The following SIK3 variants were observed in gnomAD, a reference collection of about 807,000 sequenced individuals.
SIK3 encodes SIK family kinase 3.
SIK3 carries 28 observed loss-of-function variants against 144.2 expected under a neutral mutation model. The observed-to-expected ratio is 0.19, with a 90% CI of 0.14 to 0.27. SIK3 has a LOEUF of 0.27. Among genes scored for constraint, SIK3 ranks in the 10% least tolerant of loss-of-function variants. The pLI, the probability that SIK3 is intolerant of heterozygous loss-of-function variation, is 1.00. For missense variants in SIK3, 1,319 were observed against 1,776.0 expected, an observed-to-expected ratio of 0.74 and a Z score of 4.62; for synonymous variants, 686 against 676.3, an observed-to-expected ratio of 1.01 and a Z score of -0.22.
chr11:116,935,229 C>G (rs913262599), intron 3 of SIK3, among the ~76,000 whole-genome samples: 2 of 152,050 alleles, frequency 1.3e-5, no homozygotes, highest in African/African-American at 2.4e-5. Context: ...GCCTGGGCAA[C>G]AGGGCAAGAC....
intron 1 of SIK3, among the ~76,000 whole-genome samples, chr11:117,038,752 G>A (rs1034715211): frequency 1.3e-5 from 2 of 151,926 alleles, no homozygotes; most frequent in Admixed American, 6.6e-5. Flanking sequence ...AAGATTCTTC[G>A]AAATATCCCA....
At chr11:116,991,951 T>C (rs757699271) in intron 1 of SIK3, among the ~76,000 whole-genome samples, 3 of 152,132 alleles carry the variant, frequency 2.0e-5, no homozygotes, top group Non-Finnish European at 4.4e-5. Context: ...TATACACCCA[T>C]ACACGTATAT....
rs529624410 is a variant in SIK3, at chr11:117,061,840, TG to T, written c.273+36302del. Among the ~76,000 whole-genome samples, 11 of 152,112 alleles carry T rather than the reference TG, an allele frequency of 7.2e-5. No homozygotes were observed. The East Asian group carries it at 1.3e-3, about 19-fold the overall frequency. On this transcript the variant is annotated intron_variant, in intron 1 of 24. Coordinates refer to ENST00000445177, the MANE Select transcript of SIK3 (RefSeq NM_001366686.3). ...AAGAGTCCAAATTATTATTTGCTGATGATACGTTACAAAAAAAGAGAATCAA... is the reference window on the plus strand; with the variant it reads ...AAGAGTCCAAATTATTATTTGCTGATATACGTTACAAAAAAAGAGAATCAA...
chr11:117,001,436 G>A (rs1395363592), intron 1 of SIK3, among the ~76,000 whole-genome samples: 1 of 152,054 alleles, frequency 6.6e-6, no homozygotes, highest in South Asian at 2.1e-4. Context: ...AACCCAGGAG[G>A]TGGAGGTTGC....
chr11:117,066,932 TCA>T (rs1485667974), intron 1 of SIK3, among the ~76,000 whole-genome samples: 1 of 152,172 alleles, frequency 6.6e-6, no homozygotes, highest in African/African-American at 2.4e-5. Context: ...ATACTCAATA[TCA>T]TTAGTCATTA....
At chr11:116,975,081 T>C (rs1475239110) in intron 1 of SIK3, among the ~76,000 whole-genome samples, 1 of 152,034 alleles carries the variant, frequency 6.6e-6, no homozygotes, top group Non-Finnish European at 1.5e-5. Context: ...AATTGACAAA[T>C]ATTTAGCCCG....
At chr11:116,870,999 A>G (rs1185593517) in intron 13 of SIK3, among the ~76,000 whole-genome samples, 1 of 152,196 alleles carries the variant, frequency 6.6e-6, no homozygotes. Context: ...TGATTTCCGG[A>G]GTTTAAATGT....
intron 1 of SIK3, among the ~76,000 whole-genome samples, chr11:117,073,926 A>C (rs1019165837): frequency 6.6e-6 from 1 of 152,158 alleles, no homozygotes; most frequent in African/African-American, 2.4e-5. Flanking sequence ...CTTGACCAAT[A>C]TTTTTAAGAG....
At chr11:117,016,386 G>A (rs189302763) in intron 1 of SIK3, among the ~76,000 whole-genome samples, 10 of 35,456 alleles carry the variant, frequency 2.8e-4, no homozygotes, top group African/African-American at 7.4e-4. Flanking sequence ...GAGGGAGAGA[G>A]GGAGGGAGGG....
At chr11:116,970,643 C>G (rs957323074) in intron 1 of SIK3, among the ~76,000 whole-genome samples, 2 of 152,174 alleles carry the variant, frequency 1.3e-5, no homozygotes, top group Non-Finnish European at 2.9e-5. Flanking sequence ...AGCCACCACG[C>G]CCGGCTGTAT....
intron 1 of SIK3, among the ~76,000 whole-genome samples, chr11:116,986,840 T>G (rs140734349): frequency 4.0e-4 from 61 of 152,274 alleles, no homozygotes; most frequent in Middle Eastern, 3.4e-3. Context: ...CCTCTTCATG[T>G]TCAACATCCA....
chr11:116,998,859 T>C (rs570247690), intron 1 of SIK3, among the ~76,000 whole-genome samples: 1 of 152,358 alleles, frequency 6.6e-6, no homozygotes, highest in Admixed American at 6.5e-5. Context: ...TATGAAATTA[T>C]TGATCATACA....
chr11:116,956,904 T>C (rs369732357), intron 2 of SIK3, 44 bp downstream of exon 2: 13 of 1,235,048 alleles, frequency 1.1e-5, no homozygotes, highest in African/African-American at 9.2e-5. Context: ...ACATACAATA[T>C]TCTGGGTTCT....
At chr11:117,012,913 G>A (rs1055700489) in intron 1 of SIK3, among the ~76,000 whole-genome samples, 3 of 143,104 alleles carry the variant, frequency 2.1e-5, no homozygotes, top group Admixed American at 7.3e-5. Flanking sequence ...GTGCAGCGGC[G>A]TGATCTCGGC....
chr11:116,960,441 G>T (rs1056522692), intron 1 of SIK3, among the ~76,000 whole-genome samples: 1 of 152,138 alleles, frequency 6.6e-6, no homozygotes, highest in Non-Finnish European at 1.5e-5. Context: ...CAGAAGGATT[G>T]CATGAGCCTA....
rs138624117 is a variant in SIK3 at position 116,893,083 on chromosome 11, G to C, written c.865+3170C>G. ...GAAATGGATAAACAGGCAGAGCACA[G>C]AGGATTTGGGGGCAGTGAAACAATT... is the stretch of plus-strand genomic sequence containing the variant. On this transcript the variant is annotated intron_variant, in intron 6 of 24. Coordinates refer to ENST00000445177, the MANE Select transcript of SIK3 (RefSeq NM_001366686.3). Among the ~76,000 whole-genome samples the C allele has an allele frequency of 7.6e-3, 1,156 of 152,316 alleles. 15 individuals carry two copies. The highest frequency in any genetic ancestry group is 0.024 in the Middle Eastern group (7 of 294).
At chr11:116,992,056 G>A (rs960210380) in intron 1 of SIK3, among the ~76,000 whole-genome samples, 15 of 152,232 alleles carry the variant, frequency 9.9e-5, no homozygotes, top group Admixed American at 7.8e-4. Flanking sequence ...GGGCATGGTG[G>A]CTCATACCTG....
In SIK3 at chr11:116,954,110, GGT is replaced by G; in HGVS notation, c.391-5_391-4del. ...ATCATCCGTTCTGTCTCCATAACCT[GGT>G]GCAAAGGCAGGAAAGTGACAGACAG... is the stretch of plus-strand genomic sequence containing the variant. On this transcript the variant is annotated splice_region_variant and splice_polypyrimidine_tract_variant and intron_variant, in intron 2 of 24. Transcript: ENST00000445177. 6 of 1,613,410 alleles carry G rather than the reference GGT, an allele frequency of 3.7e-6. No homozygotes were observed. Among genetic ancestry groups the G allele is most frequent in the Non-Finnish European group, 5.1e-6 (6 of 1,179,616 alleles).
intron 16 of SIK3, 84 bp downstream of exon 16, chr11:116,863,584 G>C (rs1178348457): frequency 2.5e-6 from 4 of 1,578,844 alleles, no homozygotes; most frequent in Non-Finnish European, 2.6e-6. Context: ...CATAAAAGGG[G>C]TACGTTTACC....
Sources: allele counts gnomAD v4.1 joint callset (sites outside exome capture counted in the v4.1 genomes callset), GRCh38; gene constraint gnomAD v4.1.1; transcripts MANE v1.5; gene names NCBI Gene and HGNC (gene_info 2026-07-23, HGNC 2026-07-21).